Variants in FHIT observed in about 807,000 individuals in gnomAD.
The protein encoded by FHIT is fragile histidine triad diadenosine triphosphatase.
In FHIT, 19 loss-of-function variants were observed where a neutral mutation model predicts 17.9. The observed-to-expected ratio is 1.06, with a 90% CI of 0.74 to 1.56. FHIT has a LOEUF of 1.56. Ranked by LOEUF, FHIT falls within the 40% of genes most tolerant of loss-of-function variation. FHIT has a pLI of 0.00. For synonymous variants in FHIT, 81 were observed against 69.7 expected (o/e 1.16, Z -0.81); for missense variants, 248 against 189.2 (o/e 1.31, Z -1.82).
chr3:60,833,768 C>T (rs1193044442), intron 3 of FHIT, among the ~76,000 whole-genome samples: 2 of 152,166 alleles, frequency 1.3e-5, no homozygotes, highest in African/African-American at 4.8e-5. Flanking sequence ...CCTCTTGTTG[C>T]TCTTTAATAG....
At chr3:60,362,864 G>C (rs867909037) in intron 5 of FHIT, among the ~76,000 whole-genome samples, 1 of 152,114 alleles carries the variant, frequency 6.6e-6, no homozygotes, top group Non-Finnish European at 1.5e-5. Context: ...AACAAAAAGA[G>C]GGGCAAAAAG....
At chr3:60,388,761 A>T (rs1007390389) in intron 5 of FHIT, among the ~76,000 whole-genome samples, 1 of 152,208 alleles carries the variant, frequency 6.6e-6, no homozygotes, top group Non-Finnish European at 1.5e-5. Context: ...CTCTCTGCAC[A>T]TGCCAGCTCT....
chr3:60,568,136 T>A (rs2037208720), intron 4 of FHIT, among the ~76,000 whole-genome samples: 1 of 152,194 alleles, frequency 6.6e-6, no homozygotes, highest in East Asian at 1.9e-4. Flanking sequence ...TAAATCATGC[T>A]GCTATAAAGA....
At chr3:60,243,922 G>T (rs1409242064) in intron 5 of FHIT, among the ~76,000 whole-genome samples, 1 of 152,090 alleles carries the variant, frequency 6.6e-6, no homozygotes, top group African/African-American at 2.4e-5. Context: ...AGGGAGAACA[G>T]AAATAATTTA....
intron 3 of FHIT, among the ~76,000 whole-genome samples, chr3:60,969,775 G>C (rs920650288): frequency 1.3e-5 from 2 of 152,100 alleles, no homozygotes; most frequent in African/African-American, 4.8e-5. Context: ...CTTTAAAAAT[G>C]TATATGCTTA....
chr3:60,521,411 C>A (rs1235569719), intron 5 of FHIT, among the ~76,000 whole-genome samples: 1 of 151,974 alleles, frequency 6.6e-6, no homozygotes, highest in East Asian at 1.9e-4. Context: ...CCACACCCAG[C>A]TAATTTTTTG....
intron 2 of FHIT, among the ~76,000 whole-genome samples, chr3:61,166,158 C>A (rs1219180218): frequency 1.3e-5 from 2 of 152,030 alleles, no homozygotes; most frequent in African/African-American, 4.8e-5. Context: ...AATATACTAA[C>A]TTAGATAGGT....
intron 3 of FHIT, among the ~76,000 whole-genome samples, chr3:60,970,590 C>T (rs2107528236): frequency 6.6e-6 from 1 of 152,108 alleles, no homozygotes; most frequent in South Asian, 2.1e-4. Flanking sequence ...CATTTTCCCC[C>T]TCTATCAGCT....
intron 2 of FHIT, among the ~76,000 whole-genome samples, chr3:61,121,934 GTC>G (rs1559998891): frequency 6.6e-6 from 1 of 152,132 alleles, no homozygotes; most frequent in East Asian, 1.9e-4. Context: ...TGCAATCCTA[GTC>G]TCTGATAAAA....
chr3:61,004,983 A>G (rs1011710628), intron 3 of FHIT, among the ~76,000 whole-genome samples: 1 of 151,964 alleles, frequency 6.6e-6, no homozygotes, highest in African/African-American at 2.4e-5. Context: ...GCCTCCCACC[A>G]TTTTCTCCCC....
At chr3:59,930,975 A>G (rs555983418) in intron 7 of FHIT, among the ~76,000 whole-genome samples, 54 of 152,306 alleles carry the variant, frequency 3.5e-4, no homozygotes, top group Admixed American at 9.8e-4. Context: ...CAAGGTTCAG[A>G]TCCTACCTAT....
intron 5 of FHIT, among the ~76,000 whole-genome samples, chr3:60,174,190 G>A (rs534981100): frequency 6.6e-5 from 10 of 151,670 alleles, no homozygotes; most frequent in South Asian, 2.1e-4. Context: ...GATTACAGGC[G>A]TGAGCCACCG....
intron 5 of FHIT, among the ~76,000 whole-genome samples, chr3:60,194,415 T>C (rs1417394620): frequency 6.6e-6 from 1 of 152,092 alleles, no homozygotes; most frequent in African/African-American, 2.4e-5. Flanking sequence ...TCCTTATCTC[T>C]CATCATATAC....
chr3:60,214,527 G>A (rs1324582423), intron 5 of FHIT, among the ~76,000 whole-genome samples: 1 of 152,136 alleles, frequency 6.6e-6, no homozygotes, highest in Non-Finnish European at 1.5e-5. Context: ...ATGCTGGTGA[G>A]GCGACAGAGT....
chr3:60,566,346 A>G (rs1371459842), intron 4 of FHIT, among the ~76,000 whole-genome samples: 2 of 152,190 alleles, frequency 1.3e-5, no homozygotes, highest in Non-Finnish European at 2.9e-5. Flanking sequence ...AAACAGAACC[A>G]ACGACAAAAA....
rs532304007 is a variant in FHIT, at chr3:60,305,026, A to G, written c.103+231834T>C. 3.3e-5 allele frequency among the ~76,000 whole-genome samples: 5 copies of G among 152,232 alleles called. 1 individual carries two copies. In the South Asian group the frequency reaches 1.0e-3, roughly 32 times the overall value. On this transcript the variant is annotated intron_variant, in intron 5 of 9. Transcript: ENST00000492590. Reference sequence around the variant, plus strand: ...TAGATTCTGTCCGTTGTCACATTTTATATCTAAATTGGTGAAAATCCTACC... The same window carrying G: ...TAGATTCTGTCCGTTGTCACATTTTGTATCTAAATTGGTGAAAATCCTACC...
chr3:60,839,024 T>C (rs1480991873), intron 3 of FHIT, among the ~76,000 whole-genome samples: 1 of 152,022 alleles, frequency 6.6e-6, no homozygotes, highest in East Asian at 1.9e-4. Context: ...ACTGAATGCC[T>C]GGCTGAGGTA....
intron 3 of FHIT, among the ~76,000 whole-genome samples, chr3:60,938,282 C>T (rs2107400692): frequency 6.6e-6 from 1 of 152,244 alleles, no homozygotes; most frequent in East Asian, 1.9e-4. Flanking sequence ...ATGTAGAATG[C>T]TGTATGAGGA....
At chr3:61,203,110 G>A (rs2039082597) in intron 1 of FHIT, among the ~76,000 whole-genome samples, 1 of 151,570 alleles carries the variant, frequency 6.6e-6, no homozygotes, top group South Asian at 2.1e-4. Flanking sequence ...AACCTGGGAG[G>A]CGGGGCTTGC....
Sources: allele counts gnomAD v4.1 joint callset (sites outside exome capture counted in the v4.1 genomes callset), GRCh38; gene constraint gnomAD v4.1.1; transcripts MANE v1.5; gene names NCBI Gene and HGNC (gene_info 2026-07-23, HGNC 2026-07-21).